Variants in BRINP3 observed in about 807,000 individuals in gnomAD.
BRINP3 encodes BMP/retinoic acid-inducible neural-specific protein 3.
BRINP3 carries 19 observed loss-of-function variants against 71.0 expected under a neutral mutation model. That is an observed-to-expected ratio of 0.27 (90% CI 0.19 to 0.39). The LOEUF (loss-of-function observed/expected upper bound fraction) is 0.39, where lower values mean the gene tolerates loss of function less well. BRINP3 is among the 10% of genes least tolerant of loss of function. BRINP3 has a pLI of 1.00. For synonymous variants in BRINP3, 380 were observed against 337.7 expected (o/e 1.13, Z -1.37); for missense variants, 959 against 940.8 (o/e 1.02, Z -0.25).
At chr1:190,278,190 AG>A in intron 3 of BRINP3, among the ~76,000 whole-genome samples, 1 of 151,806 alleles carries the variant, frequency 6.6e-6, no homozygotes, top group East Asian at 1.9e-4. Context: ...TGTTTTGAAA[AG>A]CATTGAAATT....
intron 7 of BRINP3, among the ~76,000 whole-genome samples, chr1:190,154,374 G>A (rs757737216): frequency 1.3e-5 from 2 of 152,172 alleles, no homozygotes; most frequent in Non-Finnish European, 2.9e-5. Flanking sequence ...CTATCCTAAA[G>A]AGTGATCCAC....
chr1:190,252,812 A>G (rs1241284379), intron 4 of BRINP3, among the ~76,000 whole-genome samples: 1 of 151,904 alleles, frequency 6.6e-6, no homozygotes, highest in African/African-American at 2.4e-5. Context: ...TTTAACTTCT[A>G]GGGTACATGT....
chr1:190,398,649 A>C (rs1021070546), intron 2 of BRINP3, among the ~76,000 whole-genome samples: 55 of 152,030 alleles, frequency 3.6e-4, no homozygotes, highest in African/African-American at 1.3e-3. Flanking sequence ...CATAGTATAA[A>C]ACTATAACAT....
At chr1:190,143,340 C>T (rs745684977) in intron 7 of BRINP3, among the ~76,000 whole-genome samples, 3 of 152,122 alleles carry the variant, frequency 2.0e-5, no homozygotes, top group Non-Finnish European at 4.4e-5. Flanking sequence ...AACATGGAAA[C>T]AGATGCAGAA....
chr1:190,350,859 G>A (rs1255253737), intron 2 of BRINP3, among the ~76,000 whole-genome samples: 4 of 138,820 alleles, frequency 2.9e-5, no homozygotes, highest in Non-Finnish European at 6.1e-5. Flanking sequence ...TTTTGCTCTC[G>A]TTGCCTAGGC....
intron 2 of BRINP3, among the ~76,000 whole-genome samples, chr1:190,297,625 G>T (rs943937418): frequency 5.9e-5 from 9 of 151,828 alleles, no homozygotes; most frequent in African/African-American, 2.2e-4. Context: ...TTTTCTGGAA[G>T]AACAGGTATG....
chr1:190,229,689 CAA>C (rs1657768796), intron 5 of BRINP3, among the ~76,000 whole-genome samples: 1 of 145,674 alleles, frequency 6.9e-6, no homozygotes. Context: ...CACACACACA[CAA>C]AGAAACCACT....
At chr1:190,175,096 G>A (rs1652388947) in intron 6 of BRINP3, among the ~76,000 whole-genome samples, 1 of 152,018 alleles carries the variant, frequency 6.6e-6, no homozygotes, top group Non-Finnish European at 1.5e-5. Flanking sequence ...TAAGAAAAGT[G>A]TTCCAATAAT....
chr1:190,423,781 C>T (rs778006454), intron 2 of BRINP3, among the ~76,000 whole-genome samples: 11 of 151,698 alleles, frequency 7.3e-5, no homozygotes, highest in Non-Finnish European at 1.3e-4. Flanking sequence ...CACACAACTC[C>T]TGGCACTGGT....
In BRINP3 at chr1:190,295,340, C is replaced by T. The variant is rs1265248676; in HGVS notation, c.237-13590G>A. Among the ~76,000 whole-genome samples the T allele has an allele frequency of 2.0e-5, 3 of 152,204 alleles. No individual in the cohort carries two copies. The East Asian group carries it at 5.8e-4, about 30-fold the overall frequency. On this transcript the variant is annotated intron_variant, in intron 2 of 7. Transcript: ENST00000367462. ...TTGGGTCTTAGGCAAAGCCCCTGTA[C>T]TCTTCCCTCTTCTTTTCCCAACACA... is the stretch of plus-strand genomic sequence containing the variant.
chr1:190,475,491 CA>C lies in BRINP3; in HGVS notation c.-51+1956del, dbSNP rs1344979484. ...ACACGTTCGCTGCAGGGGCTGAGTG[CA>C]GAGCCTGAGCTAGCAGGTCAGAGTA... On this transcript the variant is annotated intron_variant, in intron 1 of 7. Transcript: ENST00000367462. 2.0e-5 allele frequency among the ~76,000 whole-genome samples: 3 copies of C among 152,268 alleles called. No homozygotes were observed. In the East Asian group the frequency reaches 5.8e-4, roughly 30 times the overall value.
chr1:190,223,380 T>C (rs966626870), intron 6 of BRINP3, among the ~76,000 whole-genome samples: 2 of 151,992 alleles, frequency 1.3e-5, no homozygotes, highest in African/African-American at 4.8e-5. Context: ...ACAAACGTGA[T>C]GCATCACATT....
intron 2 of BRINP3, among the ~76,000 whole-genome samples, chr1:190,324,088 G>A (rs2103059438): frequency 6.6e-6 from 1 of 151,888 alleles, no homozygotes; most frequent in Non-Finnish European, 1.5e-5. Flanking sequence ...AAAGTAGGAA[G>A]AACACTAGAC....
At chr1:190,267,889 A>G (rs980262236) in intron 3 of BRINP3, among the ~76,000 whole-genome samples, 2 of 152,130 alleles carry the variant, frequency 1.3e-5, no homozygotes, top group African/African-American at 2.4e-5. Flanking sequence ...AAGTTTAAAT[A>G]TAAAAAAATT....
chr1:190,191,830 A>G (rs1166056461), intron 6 of BRINP3, among the ~76,000 whole-genome samples: 1 of 152,116 alleles, frequency 6.6e-6, no homozygotes, highest in Non-Finnish European at 1.5e-5. Flanking sequence ...ATAAGCATTT[A>G]TGTTTCGGAA....
At chr1:190,144,389 CTTGTTAATGGACAATGGCA>C (rs1468553982) in intron 7 of BRINP3, among the ~76,000 whole-genome samples, 1 of 151,994 alleles carries the variant, frequency 6.6e-6, no homozygotes, top group Non-Finnish European at 1.5e-5. Flanking sequence ...GCCCTGGAAT[CTTGTTAATGGACAATGGCA>C]TCATCAACTG....
chr1:190,343,476 C>T (rs1207456877), intron 2 of BRINP3, among the ~76,000 whole-genome samples: 1 of 151,672 alleles, frequency 6.6e-6, no homozygotes, highest in Non-Finnish European at 1.5e-5. Context: ...GCTTACTTAA[C>T]TGTAAAATTG....
intron 2 of BRINP3, among the ~76,000 whole-genome samples, chr1:190,401,585 G>T (rs2102359266): frequency 6.6e-6 from 1 of 152,040 alleles, no homozygotes; most frequent in East Asian, 1.9e-4. Context: ...GCAGACCTAT[G>T]GAATCGGAAA....
At chr1:190,394,552 T>A (rs1671449638) in intron 2 of BRINP3, among the ~76,000 whole-genome samples, 1 of 151,538 alleles carries the variant, frequency 6.6e-6, no homozygotes, top group South Asian at 2.1e-4. Flanking sequence ...GTTTCATGGA[T>A]CCTAATCTTC....
Sources: gnomAD v4.1 joint callset for allele counts (sites outside exome capture counted in the v4.1 genomes callset) on GRCh38, gnomAD v4.1.1 for gene constraint, MANE v1.5 for transcripts, NCBI Gene and HGNC (gene_info 2026-07-23, HGNC 2026-07-21) for gene names.